LHPP: variants seen among roughly 807,000 people sequenced by gnomAD.
LHPP encodes phospholysine phosphohistidine inorganic pyrophosphate phosphatase.
A neutral mutation model predicts 30.3 loss-of-function variants in LHPP; 24 were observed. The ratio of observed to expected loss-of-function variants is 0.79; its 90% CI spans 0.57 to 1.11. The LOEUF (loss-of-function observed/expected upper bound fraction) is 1.11, where lower values mean the gene tolerates loss of function less well. Ranked by LOEUF, LHPP falls within the 50% of genes most tolerant of loss-of-function variation. LHPP has a pLI of 0.00. For missense variants in LHPP, 356 were observed against 367.2 expected, an observed-to-expected ratio of 0.97 and a Z score of 0.25; for synonymous variants, 150 against 157.1, an observed-to-expected ratio of 0.95 and a Z score of 0.34.
chr10:124,585,538 C>A (rs1589694988), intron 6 of LHPP, among the ~76,000 whole-genome samples: 1 of 151,790 alleles, frequency 6.6e-6, no homozygotes, highest in Non-Finnish European at 1.5e-5. Flanking sequence ...TTGCTTGAAC[C>A]CAGGAGATGG....
chr10:124,490,414 C>A, intron 3 of LHPP: 1 of 332,458 alleles, frequency 3.0e-6, no homozygotes, highest in East Asian at 8.1e-5. Flanking sequence ...TTCCTGCAAC[C>A]TCAGGACCTG....
At chr10:124,581,674 T>C (rs1025767522) in intron 6 of LHPP, among the ~76,000 whole-genome samples, 1 of 152,218 alleles carries the variant, frequency 6.6e-6, no homozygotes, top group African/African-American at 2.4e-5. Flanking sequence ...ATGTCAGGCA[T>C]CTTTTCTTGT....
At chr10:124,589,480 C>T (rs374489418) in intron 6 of LHPP, among the ~76,000 whole-genome samples, 2 of 152,194 alleles carry the variant, frequency 1.3e-5, no homozygotes, top group Non-Finnish European at 2.9e-5. Context: ...TTCACAATCT[C>T]GCAGACCCAC....
At chr10:124,526,492 ACATTCT>A (rs1954740873) in intron 6 of LHPP, among the ~76,000 whole-genome samples, 1 of 152,170 alleles carries the variant, frequency 6.6e-6, no homozygotes, top group South Asian at 2.1e-4. Context: ...GTGCCCCTGA[ACATTCT>A]CAAGCCACCC....
At position 124,592,592 on chromosome 10, in the gene LHPP, A is replaced by G. The variant is rs1185012103; in HGVS notation, c.717-20672A>G. ...TCCGGCACCCTCCTGAGGACCACTG[A>G]GCCCCAACCACCACCATGCCCATGG... On this transcript the variant is annotated intron_variant, in intron 6 of 6. Transcript: ENST00000368842. The surrounding 1 kb of genome is among the most constrained non-coding windows in gnomAD (Gnocchi z 6.2). Among the ~76,000 whole-genome samples, 1 of 152,108 alleles carries G rather than the reference A, an allele frequency of 6.6e-6. No individual in the cohort carries two copies. The highest frequency in any genetic ancestry group is 1.5e-5 in the Non-Finnish European group (1 of 68,006).
At chr10:124,529,605 A>T (rs191932118) in intron 6 of LHPP, among the ~76,000 whole-genome samples, 2 of 152,290 alleles carry the variant, frequency 1.3e-5, no homozygotes, top group Admixed American at 1.3e-4. Context: ...CAAGGGTTTA[A>T]TCCAGGAGCT....
chr10:124,530,153 C>G (rs1262140880), intron 6 of LHPP, among the ~76,000 whole-genome samples: 2 of 152,150 alleles, frequency 1.3e-5, no homozygotes, highest in African/African-American at 2.4e-5. Context: ...CCCAGGCCCC[C>G]AGGGCAGTGT....
At chr10:124,547,713 G>T (rs928111578) in intron 6 of LHPP, among the ~76,000 whole-genome samples, 2 of 150,698 alleles carry the variant, frequency 1.3e-5, no homozygotes, top group Admixed American at 1.3e-4. Context: ...AGGGAGGGCT[G>T]CTCAGGCTGG....
intron 5 of LHPP, among the ~76,000 whole-genome samples, chr10:124,500,923 G>A (rs746154137): frequency 3.9e-5 from 6 of 152,056 alleles, no homozygotes; most frequent in South Asian, 2.1e-4. Context: ...ACTGAAACAC[G>A]TGTTCAAACA....
chr10:124,485,115 G>A (rs917371948), intron 2 of LHPP, among the ~76,000 whole-genome samples: 2 of 151,990 alleles, frequency 1.3e-5, no homozygotes, highest in Non-Finnish European at 2.9e-5. Context: ...GAAGTGGCGG[G>A]TGCTCCCTGG....
intron 6 of LHPP, among the ~76,000 whole-genome samples, chr10:124,570,933 G>A (rs1007069379): frequency 5.9e-5 from 9 of 152,144 alleles, no homozygotes; most frequent in African/African-American, 1.2e-4. Context: ...ATCTCGTCTC[G>A]AATTCCCATG....
chr10:124,493,166 A>G (rs1384045485), intron 3 of LHPP, among the ~76,000 whole-genome samples: 1 of 151,282 alleles, frequency 6.6e-6, no homozygotes, highest in East Asian at 1.9e-4. Flanking sequence ...GTAATACCGC[A>G]GCAAATGTCA....
chr10:124,580,790 C>T (rs796636913), intron 6 of LHPP, among the ~76,000 whole-genome samples: 7 of 149,436 alleles, frequency 4.7e-5, no homozygotes, highest in African/African-American at 1.7e-4. Flanking sequence ...ACAATCTTGG[C>T]TCACTGCAAC....
chr10:124,598,635 G>A (rs1456788062), intron 6 of LHPP, among the ~76,000 whole-genome samples: 1 of 150,804 alleles, frequency 6.6e-6, no homozygotes, highest in African/African-American at 2.4e-5. Flanking sequence ...CCATCCGTCC[G>A]TCCATCCATC....
intron 6 of LHPP, among the ~76,000 whole-genome samples, chr10:124,560,776 A>G (rs61870229): frequency 0.033 from 5,017 of 152,324 alleles, 103 homozygotes; most frequent in Non-Finnish European, 0.051. Context: ...GGTCTTCTGC[A>G]GAGCGAACAC....
rs1315956394 is a variant in LHPP at position 124,517,445 on chromosome 10, A to G, written c.716+174A>G. 1.8e-5 allele frequency: 8 copies of G among 433,900 alleles called. No individual in the cohort carries two copies. In the South Asian group the frequency reaches 2.0e-4, roughly 11 times the overall value. The allele number at this position is 433,900 out of a possible 1,614,324, so 26.9% of individuals were successfully genotyped here. A position where few individuals can be genotyped will look rare whatever the true frequency, so the allele number is the denominator to read the frequency against. On this transcript the variant is annotated intron_variant, in intron 6 of 6. Transcript: ENST00000368842. The surrounding 1 kb of genome is among the most constrained non-coding windows in gnomAD (Gnocchi z 4.1). ...TAAGAACAGGGCTGAGTGGTCTTTT[A>G]TAGCAGACAGTGATAAAGTAGAGTG...
chr10:124,480,415 C>T (rs570114777), intron 1 of LHPP, among the ~76,000 whole-genome samples: 1 of 152,336 alleles, frequency 6.6e-6, no homozygotes, highest in South Asian at 2.1e-4. Context: ...GTGACTTACT[C>T]ATGTTTCATC....
intron 6 of LHPP, among the ~76,000 whole-genome samples, chr10:124,568,691 C>T (rs1948534618): frequency 6.6e-6 from 1 of 152,194 alleles, no homozygotes; most frequent in African/African-American, 2.4e-5. Flanking sequence ...CACTGGGATT[C>T]TGTGTCTAAT....
At chr10:124,554,975 T>C (rs1948269844) in intron 6 of LHPP, among the ~76,000 whole-genome samples, 1 of 152,248 alleles carries the variant, frequency 6.6e-6, no homozygotes, top group Non-Finnish European at 1.5e-5. Flanking sequence ...ATTCACTGAT[T>C]GCCAACAGCA....
Sources: allele counts gnomAD v4.1 joint callset (sites outside exome capture counted in the v4.1 genomes callset), GRCh38; gene constraint gnomAD v4.1.1; non-coding constraint Gnocchi (gnomAD v3.1); transcripts MANE v1.5; gene names NCBI Gene and HGNC (gene_info 2026-07-23, HGNC 2026-07-21).